ARHGAP32: variants seen among roughly 807,000 people sequenced by gnomAD.
ARHGAP32 encodes Rho GTPase activating protein 32, also known as rho GTPase-activating protein 32.
In ARHGAP32, 51 loss-of-function variants were observed where a neutral mutation model predicts 186.5. The observed-to-expected ratio is 0.27, with a 90% CI of 0.22 to 0.35. The LOEUF is 0.35. Among genes scored for constraint, ARHGAP32 ranks in the 10% least tolerant of loss-of-function variants. ARHGAP32 has a pLI of 1.00. For synonymous variants in ARHGAP32, 950 were observed against 964.3 expected (o/e 0.99, Z 0.27); for missense variants, 2,186 against 2,623.5 (o/e 0.83, Z 3.64).
chr11:129,224,768 C>CAAAAAAAA (rs57944399), intron 1 of ARHGAP32, among the ~76,000 whole-genome samples: 7 of 104,268 alleles, frequency 6.7e-5, no homozygotes, highest in Admixed American at 1.0e-4. Flanking sequence ...TTGGCTAGAG[C>CAAAAAAAA]AAAAAAAAAA....
At position 128,975,021 on chromosome 11, in the gene ARHGAP32, AG is replaced by A; in HGVS notation, c.2195-20del. 6.3e-7 allele frequency: 1 copy of A among 1,582,200 alleles called. No individual in the cohort carries two copies. Among genetic ancestry groups the A allele is most frequent in the Non-Finnish European group, 8.6e-7 (1 of 1,165,186 alleles). On this transcript the variant is annotated intron_variant, in intron 20 of 22. Transcript: ENST00000682385. ...GAATCACCTGGAAAAAATGAATAACAGTGTCAAAGTAAGAACATCGTAGATA... is the reference window on the plus strand; with the variant it reads ...GAATCACCTGGAAAAAATGAATAACATGTCAAAGTAAGAACATCGTAGATA...
chr11:129,165,943 T>C (rs1943630855), intron 1 of ARHGAP32, among the ~76,000 whole-genome samples: 1 of 152,080 alleles, frequency 6.6e-6, no homozygotes, highest in African/African-American at 2.4e-5. Flanking sequence ...AAGAATTTAG[T>C]TAAATTTTTA....
At chr11:128,975,494 A>C (rs1466424848) in intron 20 of ARHGAP32, among the ~76,000 whole-genome samples, 1 of 152,204 alleles carries the variant, frequency 6.6e-6, no homozygotes, top group African/African-American at 2.4e-5. Context: ...TCTCAATTAA[A>C]AAATCTTCAT....
intron 14 of ARHGAP32, 36 bp downstream of exon 14, chr11:128,986,488 C>T (rs932633817): frequency 1.2e-6 from 2 of 1,607,906 alleles, no homozygotes; most frequent in Admixed American, 1.7e-5. Flanking sequence ...AGCAAAGTTC[C>T]ACAAAGAATT....
chr11:129,216,669 T>TA (rs201308944), intron 1 of ARHGAP32, among the ~76,000 whole-genome samples: 4,117 of 118,952 alleles, frequency 0.035, 72 homozygotes, highest in Non-Finnish European at 0.047. Context: ...AGACTGTCTT[T>TA]AAAAAAAAAA....
At chr11:129,054,550 C>A (rs1273296308) in intron 10 of ARHGAP32, among the ~76,000 whole-genome samples, 1 of 152,114 alleles carries the variant, frequency 6.6e-6, no homozygotes, top group Non-Finnish European at 1.5e-5. Context: ...ACAAACAATC[C>A]TAAAATATAT....
chr11:129,238,782 C>CACACACACACACACACACA (rs398115968), intron 1 of ARHGAP32, among the ~76,000 whole-genome samples: 1 of 132,942 alleles, frequency 7.5e-6, no homozygotes, highest in African/African-American at 3.0e-5. Flanking sequence ...CACACACACA[C>CACACACACACACACACACA]CTCTAACCAA....
rs539975785 is a variant in ARHGAP32 at position 129,019,009 on chromosome 11, G to A, written c.1046-20541C>T. ...TACACATGAATAACTCTGGCGATGTGTTTTTCCAGTTTTACAAAAAATATC... is the reference window on the plus strand; with the variant it reads ...TACACATGAATAACTCTGGCGATGTATTTTTCCAGTTTTACAAAAAATATC... On this transcript the variant is annotated intron_variant, in intron 11 of 22. Coordinates refer to ENST00000682385, the MANE Select transcript of ARHGAP32 (RefSeq NM_001378024.1). Among the ~76,000 whole-genome samples the A allele has an allele frequency of 6.9e-4, 105 of 152,140 alleles. 1 individual carries two copies. Among genetic ancestry groups the A allele is most frequent in the South Asian group, 5.6e-3 (27 of 4,814 alleles).
rs181303431 is a variant in ARHGAP32 at position 129,169,408 on chromosome 11, G to A, written c.117-4981C>T. Among the ~76,000 whole-genome samples, 460 of 152,092 alleles carry A rather than the reference G, an allele frequency of 3.0e-3. 4 individuals are homozygous for A. Among genetic ancestry groups the A allele is most frequent in the African/African-American group, 0.011 (446 of 41,478 alleles). ...GCACTTTGGGAGGCTGAGGCGGGTG[G>A]ATCACGAGGTCAGGAGATCAAGACC... On this transcript the variant is annotated intron_variant, in intron 1 of 22. Transcript: ENST00000682385.
chr11:129,233,655 T>C (rs1010249046), intron 1 of ARHGAP32, among the ~76,000 whole-genome samples: 4 of 151,590 alleles, frequency 2.6e-5, no homozygotes, highest in African/African-American at 9.7e-5. Context: ...TCTAAATGTT[T>C]TGGGGATAAT....
intron 10 of ARHGAP32, among the ~76,000 whole-genome samples, chr11:129,056,101 T>C (rs1245173809): frequency 6.6e-6 from 1 of 152,188 alleles, no homozygotes; most frequent in Non-Finnish European, 1.5e-5. Flanking sequence ...TAAACTCAGC[T>C]AATCAGCTGA....
chr11:129,270,027 A>G (rs1392502585), intron 1 of ARHGAP32, among the ~76,000 whole-genome samples: 1 of 151,922 alleles, frequency 6.6e-6, no homozygotes, highest in Non-Finnish European at 1.5e-5. Flanking sequence ...TTTACACAAG[A>G]TGAAAACTTA....
intron 2 of ARHGAP32, among the ~76,000 whole-genome samples, chr11:129,155,711 A>C (rs1397785881): frequency 3.9e-5 from 6 of 152,066 alleles, no homozygotes; most frequent in South Asian, 2.1e-4. Flanking sequence ...AAAAAAAAAA[A>C]CAAATTGGTT....
chr11:129,261,419 C>A (rs1023062715), intron 1 of ARHGAP32, among the ~76,000 whole-genome samples: 1 of 152,056 alleles, frequency 6.6e-6, no homozygotes, highest in Non-Finnish European at 1.5e-5. Context: ...ATTTTACATA[C>A]CACTAATCTG....
Position 128,988,058 on chromosome 11 carries a change from G to A in ARHGAP32, c.1263C>T (p.Arg421=). The change falls in exon 13 of 23, where the codon CGC becomes CGT. Residue 421 remains arginine, a synonymous_variant. Coordinates refer to ENST00000682385, the MANE Select transcript of ARHGAP32 (RefSeq NM_001378024.1). ...ERYGIVDGIY[R]LSGVASNIQR... ...GGATATTGGAGGCAACACCAGAAAG[G>A]CGATAGATTCCATCCACGATGCCAT... 6.2e-7 allele frequency: 1 copy of A among 1,613,460 alleles called. No individual in the cohort carries two copies. Among genetic ancestry groups the A allele is most frequent in the Non-Finnish European group, 8.5e-7 (1 of 1,179,588 alleles).
chr11:128,969,994 A>C lies in ARHGAP32; in HGVS notation c.5219T>G (p.Val1740Gly), dbSNP rs774005268. 5.0e-6 allele frequency: 8 copies of C among 1,614,064 alleles called. No homozygotes were observed. The East Asian group carries it at 1.6e-4, about 31-fold the overall frequency. The change falls in exon 23 of 23, where the codon GTA (valine) becomes GGA (glycine). Residue 1740 changes from valine to glycine, a missense_variant. Around this residue, in one of 5 missense-constraint regions of ARHGAP32, gnomAD observed 1,502 missense variants for 1,570.0 expected, o/e 0.96. Coordinates refer to ENST00000682385, the MANE Select transcript of ARHGAP32 (RefSeq NM_001378024.1). This position sits in a 1 kb window ranked among gnomAD's most constrained non-coding sequence, Gnocchi z 4.8. Reference sequence around the variant, plus strand: ...ATCAGCAGCCGGAGGCATGCTGACTACATTATGGTCGTTGGGAGAGAAATA... The same window carrying C: ...ATCAGCAGCCGGAGGCATGCTGACTCCATTATGGTCGTTGGGAGAGAAATA... ...TGYFSPNDHN[V>G]VSMPPAADVK... is the part of the protein sequence containing the mutation.
chr11:129,087,979 T>C (rs1941461262), intron 6 of ARHGAP32, among the ~76,000 whole-genome samples: 3 of 152,248 alleles, frequency 2.0e-5, no homozygotes, highest in Admixed American at 2.0e-4. Flanking sequence ...AAGTGTCAAC[T>C]GCCAACCACA....
intron 1 of ARHGAP32, among the ~76,000 whole-genome samples, chr11:129,269,470 T>C (rs942720001): frequency 1.3e-5 from 2 of 152,122 alleles, no homozygotes; most frequent in South Asian, 2.1e-4. Flanking sequence ...CTCACGCCTA[T>C]AATCCCAACA....
intron 1 of ARHGAP32, among the ~76,000 whole-genome samples, chr11:129,171,721 C>T (rs1272359310): frequency 6.6e-6 from 1 of 152,174 alleles, no homozygotes; most frequent in Non-Finnish European, 1.5e-5. Flanking sequence ...TCAATGGTAG[C>T]TTGATGGGAA....
Sources: gnomAD v4.1 joint callset for allele counts (sites outside exome capture counted in the v4.1 genomes callset) on GRCh38, gnomAD v4.1.1 for gene constraint, gnomAD v4.1.1 regional missense constraint, Gnocchi (gnomAD v3.1) non-coding constraint, MANE v1.5 for transcripts, NCBI Gene and HGNC (gene_info 2026-07-23, HGNC 2026-07-21) for gene names.